ROBO2: variants seen among roughly 807,000 people sequenced by gnomAD.
ROBO2 encodes the protein roundabout homolog 2.
ROBO2 carries 53 observed loss-of-function variants against 160.8 expected under a neutral mutation model. The observed-to-expected ratio is 0.33, with a 90% CI of 0.26 to 0.41. The LOEUF is 0.41. Ranked by LOEUF, ROBO2 falls within the 10% of genes least tolerant of loss-of-function variation. The pLI, the probability that ROBO2 is intolerant of heterozygous loss-of-function variation, is 1.00. For synonymous variants in ROBO2, 664 were observed against 611.7 expected (o/e 1.09, Z -1.26); for missense variants, 1,577 against 1,722.4 (o/e 0.92, Z 1.49).
intron 2 of ROBO2, among the ~76,000 whole-genome samples, chr3:76,701,534 C>A (rs915547490): frequency 7.2e-5 from 11 of 152,064 alleles, no homozygotes; most frequent in African/African-American, 2.6e-4. Context: ...GTTATTGATT[C>A]ATTGAATCCA....
chr3:76,445,908 T>C (rs1408355789), intron 2 of ROBO2, among the ~76,000 whole-genome samples: 3 of 152,036 alleles, frequency 2.0e-5, no homozygotes, highest in African/African-American at 4.8e-5. Context: ...TAAGAGCTAT[T>C]TATGACAAAC....
rs543796269 is a variant in ROBO2 at position 76,613,958 on chromosome 3, T to TC, written c.110-484055dup. Among the ~76,000 whole-genome samples the TC allele has an allele frequency of 2.0e-3, 301 of 152,252 alleles. 3 individuals carry two copies. Among genetic ancestry groups the TC allele is most frequent in the African/African-American group, 7.1e-3 (294 of 41,564 alleles). On this transcript the variant is annotated intron_variant, in intron 2 of 26. Coordinates refer to the ROBO2 transcript ENST00000487694. ...TCCAGTACCCTTATACATTTTTTTT[T>TC]CATGGGTGTATGCATGCATGCAATG...
chr3:76,937,983 G>C (rs2077830861), intron 2 of ROBO2, among the ~76,000 whole-genome samples: 1 of 152,088 alleles, frequency 6.6e-6, no homozygotes, highest in Non-Finnish European at 1.5e-5. Context: ...CATGGCACTG[G>C]GTGCAGTTAG....
Position 77,248,408 on chromosome 3 carries a change from CTGT to C in ROBO2, c.388+150070_388+150072del, listed in dbSNP as rs2089975110. On this transcript the variant is annotated intron_variant, in intron 2 of 25. Transcript: ENST00000461745. The stretch of plus-strand genomic sequence containing the variant: ...ACTGTCACACTGACCCTCCACTGAG[CTGT>C]TAACACTGAAAAACTGTCACACTGA... Among the ~76,000 whole-genome samples, 4 of 151,888 alleles carry C rather than the reference CTGT, an allele frequency of 2.6e-5. No homozygotes were observed. In the South Asian group the frequency reaches 6.2e-4, roughly 24 times the overall value.
chr3:76,944,620 A>G (rs2078400679), intron 2 of ROBO2, among the ~76,000 whole-genome samples: 1 of 152,212 alleles, frequency 6.6e-6, no homozygotes, highest in Non-Finnish European at 1.5e-5. Flanking sequence ...ACTAGCAAAT[A>G]GGATATTCTT....
At position 75,923,263 on chromosome 3, in the gene ROBO2, T is replaced by C. The variant is rs545802578; in HGVS notation, c.-13-14218T>C. On this transcript the variant is annotated intron_variant, in intron 1 of 26. Transcript: ENST00000487694. ...CTGCAGTGGAATTTAGTGGAACAGA[T>C]GCTTTTATTGTGATAGATGAGATGA... is the stretch of plus-strand genomic sequence containing the variant. Among the ~76,000 whole-genome samples the C allele has an allele frequency of 2.0e-5, 3 of 152,354 alleles. No individual in the cohort carries two copies. The South Asian group carries it at 6.2e-4, about 32-fold the overall frequency.
intron 2 of ROBO2, among the ~76,000 whole-genome samples, chr3:76,117,278 T>A (rs1019316629): frequency 2.0e-5 from 3 of 152,162 alleles, no homozygotes; most frequent in Non-Finnish European, 4.4e-5. Flanking sequence ...CCACACTATT[T>A]TCTCATCCAT....
chr3:76,568,563 C>T (rs1308544949), intron 2 of ROBO2, among the ~76,000 whole-genome samples: 3 of 151,732 alleles, frequency 2.0e-5, no homozygotes, highest in Non-Finnish European at 4.4e-5. Context: ...GCCTCGGCCT[C>T]CCAAAGTGCT....
chr3:76,496,848 T>C (rs555631474), intron 2 of ROBO2, among the ~76,000 whole-genome samples: 4 of 152,198 alleles, frequency 2.6e-5, no homozygotes, highest in Non-Finnish European at 4.4e-5. Flanking sequence ...GGCATCCCAA[T>C]CCACCATCTA....
chr3:76,180,710 C>A (rs72630367), intron 2 of ROBO2, among the ~76,000 whole-genome samples: 1 of 152,066 alleles, frequency 6.6e-6, no homozygotes, highest in Non-Finnish European at 1.5e-5. Flanking sequence ...TGCTCCCACC[C>A]TTAACCAATT....
chr3:76,512,663 C>T (rs984661289), intron 2 of ROBO2, among the ~76,000 whole-genome samples: 14 of 152,050 alleles, frequency 9.2e-5, no homozygotes, highest in Admixed American at 7.2e-4. Context: ...TCTGATTGTT[C>T]AATGTACACA....
At chr3:77,481,750 A>T (rs1485443123) in intron 4 of ROBO2, among the ~76,000 whole-genome samples, 3 of 152,192 alleles carry the variant, frequency 2.0e-5, no homozygotes, top group Admixed American at 2.0e-4. Flanking sequence ...TATGATATTC[A>T]TGTTCCTTCA....
intron 2 of ROBO2, among the ~76,000 whole-genome samples, chr3:76,690,414 A>G (rs1309594527): frequency 6.6e-6 from 1 of 151,970 alleles, no homozygotes; most frequent in African/African-American, 2.4e-5. Flanking sequence ...AGGGGTTGGG[A>G]AAGTGGCTTT....
At chr3:77,408,094 A>T (rs979448558) in intron 2 of ROBO2, among the ~76,000 whole-genome samples, 2 of 140,244 alleles carry the variant, frequency 1.4e-5, no homozygotes, top group Admixed American at 1.4e-4. Context: ...AGAGAACAAA[A>T]ACAAAAAAAA....
intron 2 of ROBO2, among the ~76,000 whole-genome samples, chr3:76,501,746 A>G (rs2080472763): frequency 2.0e-5 from 3 of 152,204 alleles, no homozygotes; most frequent in Admixed American, 2.0e-4. Flanking sequence ...CAACTCTATG[A>G]ATTAAATATA....
intron 2 of ROBO2, among the ~76,000 whole-genome samples, chr3:77,451,642 A>C (rs1361759921): frequency 1.3e-5 from 2 of 152,064 alleles, no homozygotes; most frequent in African/African-American, 4.8e-5. Flanking sequence ...TTACCAGCCA[A>C]AATGTGCAAA....
At chr3:76,387,831 G>A (rs2076965007) in intron 2 of ROBO2, among the ~76,000 whole-genome samples, 1 of 152,146 alleles carries the variant, frequency 6.6e-6, no homozygotes, top group African/African-American at 2.4e-5. Flanking sequence ...AGGGGACAAA[G>A]GCTTAAAAAT....
At chr3:77,471,471 G>T (rs2083341174) in intron 2 of ROBO2, among the ~76,000 whole-genome samples, 1 of 152,174 alleles carries the variant, frequency 6.6e-6, no homozygotes, top group East Asian at 1.9e-4. Context: ...TGAGGGCCTT[G>T]GTTTCTTGCC....
intron 1 of ROBO2, among the ~76,000 whole-genome samples, chr3:77,059,489 T>C (rs551703390): frequency 3.9e-5 from 6 of 152,310 alleles, no homozygotes; most frequent in Non-Finnish European, 8.8e-5. Flanking sequence ...TATAAAGTGT[T>C]CACATAAGCA....
Sources: allele counts gnomAD v4.1 joint callset (sites outside exome capture counted in the v4.1 genomes callset), GRCh38; gene constraint gnomAD v4.1.1; transcripts MANE v1.5; gene names NCBI Gene and HGNC (gene_info 2026-07-23, HGNC 2026-07-21).